The following TMEM132D variants were observed in gnomAD, a reference collection of about 807,000 sequenced individuals.
TMEM132D encodes mature OL transmembrane protein.
TMEM132D carries 21 observed loss-of-function variants against 62.3 expected under a neutral mutation model. The ratio of observed to expected loss-of-function variants is 0.34; its 90% CI spans 0.24 to 0.49. The LOEUF (loss-of-function observed/expected upper bound fraction) is 0.49, where lower values mean the gene tolerates loss of function less well. TMEM132D is among the 20% of genes least tolerant of loss of function. The pLI, the probability that TMEM132D is intolerant of heterozygous loss-of-function variation, is 0.99. For synonymous variants in TMEM132D, 621 were observed against 575.6 expected (o/e 1.08, Z -1.13); for missense variants, 1,346 against 1,402.8 (o/e 0.96, Z 0.65).
intron 2 of TMEM132D, among the ~76,000 whole-genome samples, chr12:129,670,177 C>T (rs559306500): frequency 6.6e-6 from 1 of 152,306 alleles, no homozygotes; most frequent in East Asian, 1.9e-4. Context: ...CCAAGCTGTC[C>T]TTGTTCATTC....
intron 2 of TMEM132D, among the ~76,000 whole-genome samples, chr12:129,616,238 C>T (rs1878914812): frequency 6.6e-6 from 1 of 152,158 alleles, no homozygotes; most frequent in South Asian, 2.1e-4. Flanking sequence ...TTGCGGTAGC[C>T]TTCAGCCATT....
chr12:129,182,471 C>A (rs1262530811), intron 5 of TMEM132D, among the ~76,000 whole-genome samples: 1 of 152,196 alleles, frequency 6.6e-6, no homozygotes, highest in East Asian at 1.9e-4. Flanking sequence ...GGTCCACACT[C>A]TGCAGGGAAG....
At chr12:129,745,361 C>A (rs116656588) in intron 1 of TMEM132D, among the ~76,000 whole-genome samples, 7 of 152,132 alleles carry the variant, frequency 4.6e-5, no homozygotes, top group African/African-American at 9.7e-5. Context: ...CCCGCAAATG[C>A]GGATGTGGTC....
At chr12:129,585,267 TGCCCATGTTCTACATAGCCAAGGAC>T (rs1877991800) in intron 2 of TMEM132D, among the ~76,000 whole-genome samples, 15 of 152,218 alleles carry the variant, frequency 9.9e-5, no homozygotes, top group Admixed American at 9.8e-4. Flanking sequence ...CACACTGTCA[TGCCCATGTTCTACATAGCCAAGGAC>T]GCCCACATTC....
At chr12:129,517,051 G>T (rs1190864930) in intron 3 of TMEM132D, among the ~76,000 whole-genome samples, 1 of 152,060 alleles carries the variant, frequency 6.6e-6, no homozygotes, top group African/African-American at 2.4e-5. Flanking sequence ...TCATCTGGAG[G>T]TTCTCAACTT....
chr12:129,119,827 C>A (rs1876002805), intron 5 of TMEM132D, among the ~76,000 whole-genome samples: 1 of 152,070 alleles, frequency 6.6e-6, no homozygotes, highest in Non-Finnish European at 1.5e-5. Context: ...GATGTAAATT[C>A]AACTAGTGGT....
chr12:129,431,240 C>G (rs1471200148), intron 3 of TMEM132D, among the ~76,000 whole-genome samples: 1 of 152,210 alleles, frequency 6.6e-6, no homozygotes, highest in Non-Finnish European at 1.5e-5. Flanking sequence ...GTAACTTACT[C>G]GACAGTTCCA....
intron 1 of TMEM132D, among the ~76,000 whole-genome samples, chr12:129,899,947 C>T (rs936869429): frequency 2.6e-5 from 4 of 151,746 alleles, no homozygotes; most frequent in Non-Finnish European, 4.4e-5. Flanking sequence ...AAGAAGTTAT[C>T]ACTGTACTTT....
At chr12:129,895,309 T>C (rs746181484) in intron 1 of TMEM132D, among the ~76,000 whole-genome samples, 10 of 152,158 alleles carry the variant, frequency 6.6e-5, no homozygotes, top group Non-Finnish European at 8.8e-5. Flanking sequence ...CTATCTTTAC[T>C]CCACATTCTA....
Position 129,779,995 on chromosome 12 carries a change from A to G in TMEM132D, c.80-79297T>C, listed in dbSNP as rs1871069275. The stretch of plus-strand genomic sequence containing the variant: ...TTCATCCATGAGGAATCAGGAGCCC[A>G]GAAGACTAACTGCCCCAGGTTTCAC... On this transcript the variant is annotated intron_variant, in intron 1 of 8. Transcript: ENST00000422113. This position sits in a 1 kb window ranked among gnomAD's most constrained non-coding sequence, Gnocchi z 4.1. 6.6e-6 allele frequency among the ~76,000 whole-genome samples: 1 copy of G among 151,926 alleles called. No individual in the cohort carries two copies. The highest frequency in any genetic ancestry group is 2.4e-5 in the African/African-American group (1 of 41,330).
intron 2 of TMEM132D, among the ~76,000 whole-genome samples, chr12:129,548,850 T>C (rs1876812501): frequency 6.6e-6 from 1 of 152,262 alleles, no homozygotes; most frequent in Non-Finnish European, 1.5e-5. Context: ...AACGACCTCC[T>C]TTCTCATTTT....
chr12:129,745,534 C>T (rs1386524731), intron 1 of TMEM132D, among the ~76,000 whole-genome samples: 1 of 152,120 alleles, frequency 6.6e-6, no homozygotes, highest in African/African-American at 2.4e-5. Flanking sequence ...GATTCAACCC[C>T]CCTCTATCTC....
intron 1 of TMEM132D, among the ~76,000 whole-genome samples, chr12:129,744,499 G>A (rs1446662556): frequency 6.6e-6 from 1 of 152,122 alleles, no homozygotes; most frequent in Non-Finnish European, 1.5e-5. Flanking sequence ...AAGTAGTGCT[G>A]CATACAGATA....
At chr12:129,331,396 T>C (rs1869100553) in intron 4 of TMEM132D, among the ~76,000 whole-genome samples, 1 of 152,200 alleles carries the variant, frequency 6.6e-6, no homozygotes, top group Admixed American at 6.5e-5. Flanking sequence ...TTTGATTTTT[T>C]TCAAGGATAA....
chr12:129,367,319 AG>A (rs1187485968), intron 3 of TMEM132D, among the ~76,000 whole-genome samples: 1 of 152,192 alleles, frequency 6.6e-6, no homozygotes, highest in Admixed American at 6.5e-5. Context: ...AGTGGCGGGC[AG>A]GAAGGTATGA....
intron 3 of TMEM132D, among the ~76,000 whole-genome samples, chr12:129,516,590 T>C (rs1418976249): frequency 6.6e-6 from 1 of 152,166 alleles, no homozygotes; most frequent in Non-Finnish European, 1.5e-5. Context: ...TGGAGGAAAC[T>C]GCCCCCATGA....
chr12:129,312,294 G>A (rs760892893), intron 4 of TMEM132D, among the ~76,000 whole-genome samples: 7 of 152,282 alleles, frequency 4.6e-5, no homozygotes, highest in Non-Finnish European at 8.8e-5. Flanking sequence ...GATGGAGTGA[G>A]GGACAATTTG....
chr12:129,103,677 C>G (rs570209649), intron 5 of TMEM132D, among the ~76,000 whole-genome samples: 1 of 152,342 alleles, frequency 6.6e-6, no homozygotes, highest in East Asian at 1.9e-4. Context: ...GCCACCACGC[C>G]TGGCCTAGGT....
At chr12:129,834,749 C>T (rs916290455) in intron 1 of TMEM132D, among the ~76,000 whole-genome samples, 3 of 152,154 alleles carry the variant, frequency 2.0e-5, no homozygotes, top group Admixed American at 6.5e-5. Flanking sequence ...GCCAGCACAG[C>T]GTCTTAAAAT....
Sources: gnomAD v4.1 joint callset for allele counts (sites outside exome capture counted in the v4.1 genomes callset) on GRCh38, gnomAD v4.1.1 for gene constraint, Gnocchi (gnomAD v3.1) non-coding constraint, MANE v1.5 for transcripts, NCBI Gene and HGNC (gene_info 2026-07-23, HGNC 2026-07-21) for gene names.